The following CDH23 variants were observed in gnomAD, a reference collection of about 807,000 sequenced individuals.
The protein encoded by CDH23 is cadherin-23.
A neutral mutation model predicts 317.1 loss-of-function variants in CDH23; 189 were observed. The observed-to-expected ratio is 0.60, with a 90% CI of 0.53 to 0.67. The LOEUF (loss-of-function observed/expected upper bound fraction) is 0.67, where lower values mean the gene tolerates loss of function less well. Among genes scored for constraint, CDH23 ranks in the 30% least tolerant of loss-of-function variants. CDH23 has a pLI of 0.00. For missense variants in CDH23, 4,401 were observed against 4,592.4 expected (o/e 0.96, Z 1.20); for synonymous variants, 1,839 against 1,876.8 (o/e 0.98, Z 0.52).
chr10:71,812,451 T>TC, intron 66 of CDH23, 29 bp from the exon 67 acceptor site: 2 of 807,894 alleles, frequency 2.5e-6, no homozygotes, highest in African/African-American at 1.8e-5. Flanking sequence ...CTTCCCTCCC[T>TC]CCCCACCCTT....
At position 71,679,182 on chromosome 10, in the gene CDH23, G is replaced by A. The variant is rs544968820; in HGVS notation, c.1753-205G>A. 6.6e-5 allele frequency among the ~76,000 whole-genome samples: 10 copies of A among 152,286 alleles called. No homozygotes were observed. In the South Asian group the frequency reaches 1.0e-3, roughly 16 times the overall value. On this transcript the variant is annotated intron_variant, in intron 16 of 69. Coordinates refer to ENST00000224721, the MANE Select transcript of CDH23 (RefSeq NM_022124.6). ...CCCAGCACATGGAGGGGAGCAGGGC[G>A]TCTGCTGGGAGCCAGAGTGCGGCCT...
At chr10:71,761,315 A>T (rs909956660) in intron 38 of CDH23, among the ~76,000 whole-genome samples, 14 of 152,184 alleles carry the variant, frequency 9.2e-5, no homozygotes, top group Non-Finnish European at 1.6e-4. Context: ...TGATGTCATC[A>T]TGAGCAGTCA....
At chr10:71,443,157 C>T (rs74144966) in intron 2 of CDH23, among the ~76,000 whole-genome samples, 2,416 of 152,324 alleles carry the variant, frequency 0.016, 74 homozygotes, top group African/African-American at 0.055. Flanking sequence ...CCCCCACCAC[C>T]GCCCTGAGGC....
At chr10:71,405,752 A>G (rs1029795756) in intron 1 of CDH23, among the ~76,000 whole-genome samples, 2 of 152,014 alleles carry the variant, frequency 1.3e-5, no homozygotes, top group Non-Finnish European at 2.9e-5. Context: ...ATGGACTTTC[A>G]CTAGAAAACC....
At chr10:71,568,886 G>A (rs1279927051) in intron 7 of CDH23, among the ~76,000 whole-genome samples, 1 of 152,198 alleles carries the variant, frequency 6.6e-6, no homozygotes, top group African/African-American at 2.4e-5. Flanking sequence ...GCTGGGCAGG[G>A]GCATTTGTGG....
chr10:71,561,515 A>G (rs1857130256), intron 6 of CDH23, among the ~76,000 whole-genome samples: 1 of 152,134 alleles, frequency 6.6e-6, no homozygotes, highest in Non-Finnish European at 1.5e-5. Flanking sequence ...ATTATTAACA[A>G]ACAAGATCCT....
intron 47 of CDH23, among the ~76,000 whole-genome samples, chr10:71,792,601 G>C (rs543672807): frequency 6.2e-4 from 94 of 150,732 alleles, no homozygotes; most frequent in African/African-American, 2.1e-3. Flanking sequence ...GAGGCAGGTG[G>C]ATCACTTGAG....
chr10:71,699,467 G>A (rs1049628468), intron 22 of CDH23, among the ~76,000 whole-genome samples: 1 of 152,256 alleles, frequency 6.6e-6, no homozygotes, highest in African/African-American at 2.4e-5. Flanking sequence ...TGGAATTGGT[G>A]CAGTGTGTGC....
At chr10:71,703,973 C>T (rs1865685372) in intron 24 of CDH23, among the ~76,000 whole-genome samples, 1 of 152,226 alleles carries the variant, frequency 6.6e-6, no homozygotes, top group South Asian at 2.1e-4. Flanking sequence ...GATGAGGGCC[C>T]TCCCTTGAAC....
intron 22 of CDH23, among the ~76,000 whole-genome samples, chr10:71,698,831 G>A (rs151052413): frequency 4.6e-5 from 7 of 152,312 alleles, no homozygotes; most frequent in Non-Finnish European, 1.0e-4. Context: ...TAAGAGGCAC[G>A]TGGTTTAGTG....
chr10:71,588,104 G>A (rs763582536), intron 9 of CDH23, among the ~76,000 whole-genome samples: 5 of 152,178 alleles, frequency 3.3e-5, no homozygotes, highest in Non-Finnish European at 5.9e-5. Flanking sequence ...ACCCTGCGGA[G>A]AGGGTGAGCA....
chr10:71,790,548 T>G, intron 46 of CDH23, 135 bp downstream of exon 46: 1 of 1,196,784 alleles, frequency 8.4e-7, no homozygotes, highest in Non-Finnish European at 1.2e-6. Context: ...CAGCCCAGAG[T>G]CCCCATCTTG....
intron 6 of CDH23, among the ~76,000 whole-genome samples, chr10:71,547,459 G>A (rs903995925): frequency 1.3e-5 from 2 of 152,258 alleles, no homozygotes; most frequent in African/African-American, 4.8e-5. Flanking sequence ...GGCAGCGCAG[G>A]TGTGGAAGGG....
chr10:71,547,267 A>T (rs978183614), intron 6 of CDH23, among the ~76,000 whole-genome samples: 31 of 152,216 alleles, frequency 2.0e-4, no homozygotes, highest in African/African-American at 7.2e-4. Context: ...GGCCTGGGTG[A>T]GATGTGAAGG....
chr10:71,746,401 C>T (rs915829117), intron 38 of CDH23, among the ~76,000 whole-genome samples: 1 of 152,242 alleles, frequency 6.6e-6, no homozygotes, highest in Non-Finnish European at 1.5e-5. Context: ...GCCTAGGCCA[C>T]CCCCATCCGG....
At chr10:71,778,721 C>T (rs542969655) in intron 40 of CDH23, among the ~76,000 whole-genome samples, 2 of 152,298 alleles carry the variant, frequency 1.3e-5, no homozygotes, top group South Asian at 4.1e-4. Context: ...CGTAAGACAA[C>T]CACAGTGCAG....
intron 69 of CDH23, 113 bp downstream of exon 69, chr10:71,813,461 C>A: frequency 1.1e-6 from 1 of 923,924 alleles, no homozygotes; most frequent in Non-Finnish European, 1.7e-6. Flanking sequence ...CAGCCAGGAC[C>A]AAAGACAGCA....
intron 6 of CDH23, among the ~76,000 whole-genome samples, chr10:71,513,347 G>T (rs1193412122): frequency 6.6e-6 from 1 of 152,122 alleles, no homozygotes; most frequent in Non-Finnish European, 1.5e-5. Flanking sequence ...TAGCTGCCTG[G>T]CTCTGACCAC....
At chr10:71,791,825 C>T (rs1332339623) in intron 47 of CDH23, among the ~76,000 whole-genome samples, 1 of 152,136 alleles carries the variant, frequency 6.6e-6, no homozygotes, top group East Asian at 1.9e-4. Flanking sequence ...ATCCACTCGC[C>T]TCAGCCTCCC....
Sources: allele counts gnomAD v4.1 joint callset (sites outside exome capture counted in the v4.1 genomes callset), GRCh38; gene constraint gnomAD v4.1.1; transcripts MANE v1.5; gene names NCBI Gene and HGNC (gene_info 2026-07-23, HGNC 2026-07-21).